JAK2: variants seen among roughly 807,000 people sequenced by gnomAD.
The protein encoded by JAK2 is Janus kinase 2.
Under a neutral mutation model 139.3 loss-of-function variants are expected in JAK2, and 86 were observed. The observed-to-expected ratio is 0.62, with a 90% CI of 0.52 to 0.74. The LOEUF is 0.74. Among genes scored for constraint, JAK2 ranks in the 30% least tolerant of loss-of-function variants. JAK2 has a pLI of 0.00. For synonymous variants in JAK2, 490 were observed against 437.7 expected (o/e 1.12, Z -1.49); for missense variants, 1,421 against 1,360.3 (o/e 1.04, Z -0.70).
chr9:5,023,435 G>A (rs183011832), intron 3 of JAK2, among the ~76,000 whole-genome samples: 143 of 152,268 alleles, frequency 9.4e-4, no homozygotes, highest in Non-Finnish European at 1.6e-3. Context: ...TTAGGACTCG[G>A]GGGGAGCGTG....
intron 8 of JAK2, among the ~76,000 whole-genome samples, chr9:5,064,380 AT>A (rs936519477): frequency 1.3e-5 from 2 of 151,940 alleles, no homozygotes; most frequent in South Asian, 2.1e-4. Context: ...AAATACAAAA[AT>A]TAGCTGGGCA....
intron 9 of JAK2, 106 bp downstream of exon 9, chr9:5,065,146 C>G (rs1818479322): frequency 4.4e-6 from 3 of 681,852 alleles, no homozygotes; most frequent in Non-Finnish European, 6.4e-6. Flanking sequence ...AATAATTTGA[C>G]AAGTTTTTTT....
chr9:5,073,819 T>C (rs2130557849), intron 14 of JAK2, 34 bp downstream of exon 14: 1 of 1,312,604 alleles, frequency 7.6e-7, no homozygotes, highest in Non-Finnish European at 1.1e-6. Context: ...AATGCCTTTC[T>C]CAGAGCATCT....
chr9:5,027,971 T>G (rs1326616418), intron 3 of JAK2, among the ~76,000 whole-genome samples: 2 of 152,194 alleles, frequency 1.3e-5, no homozygotes, highest in Non-Finnish European at 2.9e-5. Flanking sequence ...AGAATCAGCT[T>G]CTTCCAAACT....
chr9:5,126,664 G>C lies in JAK2; in HGVS notation c.3292-20G>C, dbSNP rs1302720779. The C allele has an allele frequency of 6.4e-7, 1 of 1,551,504 alleles. No individual in the cohort carries two copies. The highest frequency in any genetic ancestry group is 1.8e-5 in the Admixed American group (1 of 54,490). On this transcript the variant is annotated intron_variant, in intron 24 of 24. Transcript: ENST00000381652. Reference sequence around the variant, plus strand: ...GGCCCTTAGTGTTCATTTAATTTTGGTTTATTTTCTCCTTTACAGATCTAT... The same window carrying C: ...GGCCCTTAGTGTTCATTTAATTTTGCTTTATTTTCTCCTTTACAGATCTAT...
chr9:5,046,772 G>T (rs1817035107), intron 5 of JAK2, among the ~76,000 whole-genome samples: 1 of 151,234 alleles, frequency 6.6e-6, no homozygotes, highest in Non-Finnish European at 1.5e-5. Context: ...ATGGAGAGAG[G>T]CTTCTAAGAA....
chr9:5,041,803 C>A (rs1010575625), intron 4 of JAK2: 6 of 485,536 alleles, frequency 1.2e-5, no homozygotes, highest in Non-Finnish European at 2.1e-5. Context: ...AAAGATCAGC[C>A]GCACAGCAAA....
At position 5,080,394 on chromosome 9, in the gene JAK2, G is replaced by A. The variant is rs1455667667; in HGVS notation, c.2283+14G>A. 9 of 1,592,434 alleles carry A rather than the reference G, an allele frequency of 5.7e-6. No homozygotes were observed. Among genetic ancestry groups the A allele is most frequent in the Non-Finnish European group, 6.8e-6 (8 of 1,168,204 alleles). Reference sequence around the variant, plus strand: ...GATTCTCAAAGAGTAAGTTTATATAGACTAAGTTAGAATTACTCTATCTCT... The same window carrying A: ...GATTCTCAAAGAGTAAGTTTATATAAACTAAGTTAGAATTACTCTATCTCT... On this transcript the variant is annotated intron_variant, in intron 17 of 24. Transcript: ENST00000381652.
At chr9:4,996,389 A>C (rs1820562914) in intron 2 of JAK2, among the ~76,000 whole-genome samples, 1 of 152,176 alleles carries the variant, frequency 6.6e-6, no homozygotes, top group African/African-American at 2.4e-5. Context: ...CAGAGGTTGC[A>C]GTGAGCTGAG....
At chr9:5,089,962 A>G (rs1276914826) in intron 20 of JAK2, 99 bp downstream of exon 20, 6 of 730,106 alleles carry the variant, frequency 8.2e-6, no homozygotes, top group Non-Finnish European at 1.2e-5. Flanking sequence ...ACTTATGCCA[A>G]TGCCCAGAGG....
intron 22 of JAK2, chr9:5,110,989 C>G: frequency 1.5e-6 from 1 of 655,634 alleles, no homozygotes; most frequent in Non-Finnish European, 2.7e-6. Flanking sequence ...CATGATGTTC[C>G]CGCTGCCCGT....
At chr9:5,029,693 GTTACTT>G in intron 3 of JAK2, 84 bp from the exon 4 acceptor site, 1 of 1,198,674 alleles carries the variant, frequency 8.3e-7, no homozygotes, top group Non-Finnish European at 1.2e-6. Context: ...TTTAAGAGTT[GTTACTT>G]TAGCTTCATT....
chr9:5,123,079 T>A lies in JAK2; in HGVS notation c.3135T>A (p.Tyr1045Ter). 6.2e-7 allele frequency: 1 copy of A among 1,611,580 alleles called. No individual in the cohort carries two copies. Among genetic ancestry groups the A allele is most frequent in the Non-Finnish European group, 8.5e-7 (1 of 1,178,468 alleles). ...SDVWSFGVVLYELFTYIEKSK... is the reference protein window; with the variant it reads ...SDVWSFGVVL ...TTTGGAGCTTTGGAGTGGTTCTGTA[T>A]GAACTTTTCACATACATTGAGAAGA... Residue 1045 changes from tyrosine (Y) to a stop codon, truncating the protein, a stop_gained, in exon 23 of 25, where the codon TAT (tyrosine) becomes TAA (stop). Coordinates refer to ENST00000381652, the MANE Select transcript of JAK2 (RefSeq NM_004972.4). LOFTEE classifies it high-confidence loss of function.
intron 8 of JAK2, among the ~76,000 whole-genome samples, chr9:5,057,082 G>C (rs1017880593): frequency 1.3e-5 from 2 of 152,028 alleles, no homozygotes; most frequent in African/African-American, 4.8e-5. Context: ...TTTTATTTTA[G>C]GGATACATTG....
At chr9:5,005,473 T>C (rs1389021774) in intron 2 of JAK2, among the ~76,000 whole-genome samples, 1 of 152,190 alleles carries the variant, frequency 6.6e-6, no homozygotes, top group African/African-American at 2.4e-5. Flanking sequence ...GGTATAATGA[T>C]TGATTTCTAA....
intron 4 of JAK2, among the ~76,000 whole-genome samples, chr9:5,036,490 C>T (rs1231511955): frequency 5.9e-5 from 9 of 152,190 alleles, no homozygotes; most frequent in African/African-American, 1.9e-4. Flanking sequence ...TACAAGGCTA[C>T]AGTAACCAAA....
intron 2 of JAK2, among the ~76,000 whole-genome samples, chr9:5,010,576 C>A (rs1821634858): frequency 6.6e-6 from 1 of 152,174 alleles, no homozygotes; most frequent in South Asian, 2.1e-4. Context: ...CCGCCTCGGC[C>A]TCCCAAATGC....
At chr9:5,100,986 C>T (rs976352413) in intron 22 of JAK2, 9 of 152,262 alleles carry the variant, frequency 5.9e-5, no homozygotes, top group Admixed American at 1.3e-4. Context: ...TGGTGATTTC[C>T]GCATTTCCAA....
chr9:5,092,975 C>G (rs975082664), intron 22 of JAK2, among the ~76,000 whole-genome samples: 3 of 152,094 alleles, frequency 2.0e-5, no homozygotes, highest in African/African-American at 7.2e-5. Flanking sequence ...CCAAAAGCAG[C>G]CAACAATTAA....
Sources: gnomAD v4.1 joint callset for allele counts (sites outside exome capture counted in the v4.1 genomes callset) on GRCh38, gnomAD v4.1.1 for gene constraint, MANE v1.5 for transcripts, NCBI Gene and HGNC (gene_info 2026-07-23, HGNC 2026-07-21) for gene names.